The following ARHGAP12 variants were observed in gnomAD, a reference collection of about 807,000 sequenced individuals.
ARHGAP12 encodes the protein rho GTPase-activating protein 12.
A neutral mutation model predicts 108.6 loss-of-function variants in ARHGAP12; 64 were observed. The ratio of observed to expected loss-of-function variants is 0.59; its 90% CI spans 0.48 to 0.73. The LOEUF is 0.73. Ranked by LOEUF, ARHGAP12 falls within the 30% of genes least tolerant of loss-of-function variation. ARHGAP12 has a pLI of 0.00. For synonymous variants in ARHGAP12, 312 were observed against 337.2 expected (o/e 0.93, Z 0.82); for missense variants, 940 against 1,005.9 (o/e 0.93, Z 0.89).
chr10:31,856,469 T>C (rs1055507544), intron 4 of ARHGAP12, among the ~76,000 whole-genome samples: 3 of 152,126 alleles, frequency 2.0e-5, no homozygotes, highest in South Asian at 2.1e-4. Flanking sequence ...TTAACAAATT[T>C]TGCTCCTTTA....
intron 3 of ARHGAP12, among the ~76,000 whole-genome samples, chr10:31,873,636 G>C (rs1336711504): frequency 6.6e-6 from 1 of 152,100 alleles, no homozygotes; most frequent in African/African-American, 2.4e-5. Flanking sequence ...CATTCTCAAA[G>C]TCTAGAAACA....
At chr10:31,909,873 G>C (rs1180729127) in intron 2 of ARHGAP12, among the ~76,000 whole-genome samples, 4 of 152,206 alleles carry the variant, frequency 2.6e-5, no homozygotes. Flanking sequence ...TCCAACCTGG[G>C]TGACAGAGTG....
chr10:31,817,243 G>A (rs530403681), intron 13 of ARHGAP12, among the ~76,000 whole-genome samples: 1 of 151,954 alleles, frequency 6.6e-6, no homozygotes, highest in African/African-American at 2.4e-5. Context: ...GCTTACTAAC[G>A]TTCTTACTAA....
intron 13 of ARHGAP12, among the ~76,000 whole-genome samples, chr10:31,817,330 G>C (rs1404195397): frequency 6.6e-6 from 1 of 152,162 alleles, no homozygotes. Flanking sequence ...AGGAACACAA[G>C]GGTACTGAAC....
chr10:31,861,418 A>G lies in ARHGAP12; in HGVS notation c.925T>C (p.Phe309Leu). The change falls in exon 4 of 20, where the codon TTC (phenylalanine) becomes CTC (leucine). Residue 309 changes from phenylalanine to leucine, a missense_variant. Phe to Leu is a conservative substitution (Grantham distance 22). Coordinates refer to ENST00000344936, the MANE Select transcript of ARHGAP12 (RefSeq NM_018287.7). ...ACCTCTTGATCCCCTGGATTTTGGA[A>G]ATCTCCTTTGCTGATGCTTGCATCC... ...TRDASISKGD[F>L]QNPGDQELLS... is the part of the protein sequence containing the mutation. 1.2e-6 allele frequency: 2 copies of G among 1,612,832 alleles called. No homozygotes were observed. The highest frequency in any genetic ancestry group is 8.5e-7 in the Non-Finnish European group (1 of 1,179,646).
At chr10:31,850,170 G>A (rs898403303) in intron 6 of ARHGAP12, among the ~76,000 whole-genome samples, 9 of 152,106 alleles carry the variant, frequency 5.9e-5, no homozygotes, top group African/African-American at 1.9e-4. Flanking sequence ...TTGAGGTACT[G>A]TTAAGAGCTA....
intron 6 of ARHGAP12, among the ~76,000 whole-genome samples, chr10:31,851,223 A>G (rs1836666659): frequency 6.6e-6 from 1 of 152,198 alleles, no homozygotes; most frequent in African/African-American, 2.4e-5. Context: ...TAATTAATTT[A>G]AACAATAAAG....
chr10:31,924,067 A>T (rs1420652346), intron 1 of ARHGAP12, among the ~76,000 whole-genome samples: 1 of 152,246 alleles, frequency 6.6e-6, no homozygotes, highest in Non-Finnish European at 1.5e-5. Context: ...TTGTATGGTA[A>T]AGATACCAGC....
At chr10:31,865,227 T>C (rs1248721376) in intron 3 of ARHGAP12, among the ~76,000 whole-genome samples, 1 of 152,066 alleles carries the variant, frequency 6.6e-6, no homozygotes, top group Admixed American at 6.6e-5. Context: ...TTTTAAAATA[T>C]TACAGATTTT....
At chr10:31,825,189 A>ACAC (rs1207189983) in intron 11 of ARHGAP12, among the ~76,000 whole-genome samples, 5 of 152,258 alleles carry the variant, frequency 3.3e-5, no homozygotes, top group African/African-American at 1.2e-4. Flanking sequence ...CTCATCAGAG[A>ACAC]AGCTGAGGAA....
intron 3 of ARHGAP12, among the ~76,000 whole-genome samples, chr10:31,873,423 A>G (rs1435393466): frequency 1.3e-5 from 2 of 152,234 alleles, no homozygotes; most frequent in Non-Finnish European, 2.9e-5. Context: ...CAGTTTTCAT[A>G]TTTAACTTAT....
intron 1 of ARHGAP12, among the ~76,000 whole-genome samples, chr10:31,911,244 G>A (rs561331347): frequency 3.3e-5 from 5 of 152,142 alleles, no homozygotes; most frequent in South Asian, 4.2e-4. Flanking sequence ...GGCTGGTCTC[G>A]AACTCCTGAC....
intron 1 of ARHGAP12, among the ~76,000 whole-genome samples, chr10:31,918,625 C>A (rs1839664400): frequency 1.3e-5 from 2 of 152,178 alleles, no homozygotes; most frequent in Non-Finnish European, 2.9e-5. Context: ...AAGAATCGCT[C>A]AAGCCTGGAA....
chr10:31,811,620 A>G (rs1482585075), intron 15 of ARHGAP12, among the ~76,000 whole-genome samples: 1 of 151,350 alleles, frequency 6.6e-6, no homozygotes, highest in Non-Finnish European at 1.5e-5. Context: ...AGAGTACCTA[A>G]TTTGAATTAA....
At chr10:31,814,712 C>T (rs1835138461) in intron 13 of ARHGAP12, among the ~76,000 whole-genome samples, 1 of 152,146 alleles carries the variant, frequency 6.6e-6, no homozygotes, top group East Asian at 1.9e-4. Context: ...AATAGAGCTA[C>T]ATTCTCTGAC....
chr10:31,903,474 G>T (rs1461559459), intron 3 of ARHGAP12, among the ~76,000 whole-genome samples: 1 of 152,124 alleles, frequency 6.6e-6, no homozygotes, highest in African/African-American at 2.4e-5. Context: ...AATATAGCTA[G>T]AGTTCTTATA....
At chr10:31,869,550 C>A (rs113059026) in intron 3 of ARHGAP12, among the ~76,000 whole-genome samples, 36,036 of 151,796 alleles carry the variant, frequency 0.24, 4,549 homozygotes, top group Non-Finnish European at 0.29. Context: ...AACAAACAAA[C>A]AAACAAACAA....
intron 3 of ARHGAP12, among the ~76,000 whole-genome samples, chr10:31,878,013 A>T (rs557709320): frequency 6.6e-6 from 1 of 152,254 alleles, no homozygotes; most frequent in South Asian, 2.1e-4. Context: ...GAGCCTGGGA[A>T]GTTGAGGCTG....
chr10:31,848,991 G>C (rs574582702), intron 6 of ARHGAP12, among the ~76,000 whole-genome samples: 23 of 152,088 alleles, frequency 1.5e-4, no homozygotes, highest in African/African-American at 4.8e-4. Context: ...CTGGGAGGCA[G>C]AGGTTGCAGT....
Sources: gnomAD v4.1 joint callset for allele counts (sites outside exome capture counted in the v4.1 genomes callset) on GRCh38, gnomAD v4.1.1 for gene constraint, MANE v1.5 for transcripts, NCBI Gene and HGNC (gene_info 2026-07-23, HGNC 2026-07-21) for gene names.